SLC35F3: variants seen among roughly 807,000 people sequenced by gnomAD.
SLC35F3 encodes the protein putative thiamine transporter SLC35F3.
A neutral mutation model predicts 49.9 loss-of-function variants in SLC35F3; 25 were observed. That is an observed-to-expected ratio of 0.50 (90% CI 0.37 to 0.70). The LOEUF is 0.70. Among genes scored for constraint, SLC35F3 ranks in the 30% least tolerant of loss-of-function variants. SLC35F3 has a pLI of 0.00. For missense variants in SLC35F3, 525 were observed against 639.8 expected (o/e 0.82, Z 1.94); for synonymous variants, 275 against 265.4 (o/e 1.04, Z -0.35).
At chr1:234,311,808 G>C (rs1031838261) in intron 4 of SLC35F3, among the ~76,000 whole-genome samples, 1 of 152,234 alleles carries the variant, frequency 6.6e-6, no homozygotes, top group East Asian at 1.9e-4. Context: ...CTAGCTCAGC[G>C]ATGGAGATGT....
At chr1:234,290,807 A>G (rs893787511) in intron 3 of SLC35F3, among the ~76,000 whole-genome samples, 2 of 152,226 alleles carry the variant, frequency 1.3e-5, no homozygotes, top group Non-Finnish European at 2.9e-5. Flanking sequence ...GATGGAATGA[A>G]CCAGGACATT....
intron 3 of SLC35F3, among the ~76,000 whole-genome samples, chr1:234,247,621 A>G (rs61823369): frequency 2.2e-4 from 28 of 124,768 alleles, no homozygotes; most frequent in African/African-American, 2.2e-4. Flanking sequence ...ATTGTTCAGT[A>G]GGTTGGTTGG....
Position 234,231,444 on chromosome 1 carries a change from GC to G in SLC35F3, c.314del (p.Pro105ArgfsTer54). On this transcript the variant is annotated frameshift_variant, in exon 3 of 8. Transcript: ENST00000366618. LOFTEE classifies it high-confidence loss of function. This position sits in a 1 kb window ranked among gnomAD's most constrained non-coding sequence, Gnocchi z 5.4. ...KREERPRDSPGPAEAQAPAGV... is the reference protein window; with the variant it reads ...KREERPRDSPXPAEAQAPAGV... ...GAGGAGCGCCCCCGGGACTCCCCGGGCCCGGCGGAGGCCCAGGCACCGGCCG... is the reference window on the plus strand; with the variant it reads ...GAGGAGCGCCCCCGGGACTCCCCGGGCCGGCGGAGGCCCAGGCACCGGCCG... 1 of 1,600,878 alleles carries G rather than the reference GC, an allele frequency of 6.2e-7. No homozygotes were observed. Among genetic ancestry groups the G allele is most frequent in the Non-Finnish European group, 8.5e-7 (1 of 1,173,878 alleles).
At chr1:234,034,671 C>T (rs1019369940) in intron 2 of SLC35F3, among the ~76,000 whole-genome samples, 7 of 152,128 alleles carry the variant, frequency 4.6e-5, no homozygotes, top group Admixed American at 4.6e-4. Flanking sequence ...TAGGCACGTG[C>T]CACCACACCC....
At position 234,231,628 on chromosome 1, in the gene SLC35F3, G is replaced by A. The variant is rs751459594; in HGVS notation, c.495G>A (p.Ala165=). ...AGCTGACCTTCAGGAAGTTCGACGC[G>A]CCCTTCACCCTCACGTGGTTTGCCA... ...LAKLTFRKFD[A]PFTLTWFATN... is the part of the protein sequence containing the mutation. The change falls in exon 3 of 8, where the codon GCG becomes GCA. Residue 165 remains alanine, a synonymous_variant. Coordinates refer to ENST00000366618, the MANE Select transcript of SLC35F3 (RefSeq NM_173508.4). This position sits in a 1 kb window ranked among gnomAD's most constrained non-coding sequence, Gnocchi z 5.4. 4.3e-5 allele frequency: 69 copies of A among 1,614,092 alleles called. No individual in the cohort carries two copies. In the Admixed American group the frequency reaches 1.0e-3, roughly 23 times the overall value.
At position 234,316,686 on chromosome 1, in the gene SLC35F3, G is replaced by A. The variant is rs745608754; in HGVS notation, c.913G>A (p.Ala305Thr). 1.2e-5 allele frequency: 20 copies of A among 1,612,992 alleles called. No individual in the cohort carries two copies. Among genetic ancestry groups the A allele is most frequent in the Admixed American group, 1.0e-4 (6 of 59,994 alleles). ...CCACAGCCACTCCGTCATCGGCATC[G>A]CACTGGTGGTGGCCTCAGCATCGAT... Reference protein sequence around the residue: ...GFHSHSVIGIALVVASASMSA... With the variant: ...GFHSHSVIGITLVVASASMSA... Residue 305 changes from alanine (A) to threonine (T), a missense_variant, in exon 5 of 8, where the codon GCA (alanine) becomes ACA (threonine). Ala to Thr is a moderately conservative substitution (Grantham distance 58, BLOSUM62 0). This residue lies in a region of SLC35F3 where 216 missense variants were observed against 298.1 expected (regional missense o/e 0.72). Transcript: ENST00000366618.
At chr1:233,911,676 T>G (rs1363902439) in intron 2 of SLC35F3, among the ~76,000 whole-genome samples, 1 of 152,226 alleles carries the variant, frequency 6.6e-6, no homozygotes, top group African/African-American at 2.4e-5. Context: ...TATTTTCATT[T>G]GTTCATTTAG....
chr1:234,062,360 C>T (rs1265954664), intron 2 of SLC35F3, among the ~76,000 whole-genome samples: 2 of 152,174 alleles, frequency 1.3e-5, no homozygotes, highest in Non-Finnish European at 2.9e-5. Flanking sequence ...TATTAAACTC[C>T]ACTACGCACA....
chr1:234,244,382 G>A (rs1276924511), intron 3 of SLC35F3, among the ~76,000 whole-genome samples: 2 of 152,140 alleles, frequency 1.3e-5, no homozygotes, highest in South Asian at 2.1e-4. Context: ...GGGGTTGGGG[G>A]AAGGAAGAAA....
intron 2 of SLC35F3, among the ~76,000 whole-genome samples, chr1:234,000,237 T>G (rs778324981): frequency 1.1e-4 from 17 of 152,194 alleles, no homozygotes; most frequent in Non-Finnish European, 2.5e-4. Flanking sequence ...CTATTCCTAG[T>G]GCAATAAGCA....
At chr1:233,924,270 G>C (rs910379341) in intron 2 of SLC35F3, among the ~76,000 whole-genome samples, 2 of 152,136 alleles carry the variant, frequency 1.3e-5, no homozygotes, top group Non-Finnish European at 2.9e-5. Flanking sequence ...AATCCATCTG[G>C]TCCTACAGTT....
At chr1:234,096,507 C>A (rs1665125697) in intron 2 of SLC35F3, among the ~76,000 whole-genome samples, 1 of 152,214 alleles carries the variant, frequency 6.6e-6, no homozygotes, top group African/African-American at 2.4e-5. Flanking sequence ...TGTAGTCCAT[C>A]TCTATCTTGA....
chr1:233,970,117 A>G (rs577113855), intron 2 of SLC35F3, among the ~76,000 whole-genome samples: 1 of 152,344 alleles, frequency 6.6e-6, no homozygotes, highest in East Asian at 1.9e-4. Flanking sequence ...ATGATGGGCA[A>G]GCACTGGTGG....
intron 2 of SLC35F3, among the ~76,000 whole-genome samples, chr1:233,925,936 T>C (rs1662150500): frequency 1.3e-5 from 2 of 152,228 alleles, no homozygotes; most frequent in South Asian, 2.1e-4. Flanking sequence ...AAAATTCTTT[T>C]CTTTAAGAAT....
chr1:233,946,901 A>G (rs1271528618), intron 2 of SLC35F3, among the ~76,000 whole-genome samples: 1 of 152,208 alleles, frequency 6.6e-6, no homozygotes, highest in Non-Finnish European at 1.5e-5. Flanking sequence ...TGACCCAGGA[A>G]TGTCACTCAT....
chr1:233,915,905 C>G (rs1661960988), intron 2 of SLC35F3, among the ~76,000 whole-genome samples: 1 of 152,210 alleles, frequency 6.6e-6, no homozygotes, highest in Non-Finnish European at 1.5e-5. Context: ...CGCCAGGTCC[C>G]TCCCACAACA....
intron 3 of SLC35F3, among the ~76,000 whole-genome samples, chr1:234,308,206 T>C (rs1657247903): frequency 6.6e-6 from 1 of 152,082 alleles, no homozygotes; most frequent in Admixed American, 6.5e-5. Context: ...AGGGAGAAAA[T>C]AGGTCACGAG....
At chr1:234,163,655 C>T (rs1378391363) in intron 2 of SLC35F3, among the ~76,000 whole-genome samples, 5 of 152,314 alleles carry the variant, frequency 3.3e-5, no homozygotes, top group Admixed American at 6.5e-5. Flanking sequence ...CTTCCAAGAG[C>T]AAATGCTTTC....
intron 2 of SLC35F3, among the ~76,000 whole-genome samples, chr1:234,104,100 A>G (rs577511585): frequency 1.3e-5 from 2 of 152,328 alleles, no homozygotes; most frequent in South Asian, 2.1e-4. Context: ...AACCTTGCCT[A>G]TTCCCCATAA....
Sources: gnomAD v4.1 joint callset for allele counts (sites outside exome capture counted in the v4.1 genomes callset) on GRCh38, gnomAD v4.1.1 for gene constraint, gnomAD v4.1.1 regional missense constraint, Gnocchi (gnomAD v3.1) non-coding constraint, MANE v1.5 for transcripts, NCBI Gene and HGNC (gene_info 2026-07-23, HGNC 2026-07-21) for gene names.